MRTFA: variants seen among roughly 807,000 people sequenced by gnomAD.
The protein encoded by MRTFA is myocardin-related transcription factor A.
In MRTFA, 20 loss-of-function variants were observed where a neutral mutation model predicts 83.5. That is an observed-to-expected ratio of 0.24 (90% CI 0.17 to 0.35). MRTFA has a LOEUF of 0.35. Ranked by LOEUF, MRTFA falls within the 10% of genes least tolerant of loss-of-function variation. The pLI, the probability that MRTFA is intolerant of heterozygous loss-of-function variation, is 1.00. For synonymous variants in MRTFA, 659 were observed against 541.2 expected (o/e 1.22, Z -3.02); for missense variants, 1,200 against 1,224.7 (o/e 0.98, Z 0.30).
At chr22:40,606,877 T>G (rs2056324114) in intron 1 of MRTFA, among the ~76,000 whole-genome samples, 1 of 152,160 alleles carries the variant, frequency 6.6e-6, no homozygotes, top group African/African-American at 2.4e-5. Context: ...AGCAGTGACT[T>G]CCTAACAAAG....
chr22:40,524,497 G>C (rs912416357), intron 3 of MRTFA, among the ~76,000 whole-genome samples: 2 of 152,182 alleles, frequency 1.3e-5, no homozygotes, highest in Non-Finnish European at 2.9e-5. Flanking sequence ...GCTCTGCCAA[G>C]AACATGGCCT....
intron 4 of MRTFA, among the ~76,000 whole-genome samples, chr22:40,441,687 T>A (rs1258444488): frequency 1.3e-5 from 2 of 151,802 alleles, no homozygotes; most frequent in African/African-American, 4.8e-5. Flanking sequence ...CTCTGGAGGC[T>A]GAGGCAGGAG....
intron 14 of MRTFA, among the ~76,000 whole-genome samples, chr22:40,414,432 G>T (rs1240181068): frequency 6.6e-6 from 1 of 152,196 alleles, no homozygotes; most frequent in Non-Finnish European, 1.5e-5. Context: ...ACAGACACTT[G>T]TACACTGACA....
intron 1 of MRTFA, among the ~76,000 whole-genome samples, chr22:40,631,996 C>A (rs556287089): frequency 3.9e-5 from 6 of 152,332 alleles, no homozygotes; most frequent in Non-Finnish European, 7.3e-5. Flanking sequence ...TGTGTAGTCC[C>A]TTCCCACAAT....
At chr22:40,454,644 C>T (rs1301848594) in intron 4 of MRTFA, among the ~76,000 whole-genome samples, 1 of 152,180 alleles carries the variant, frequency 6.6e-6, no homozygotes, top group African/African-American at 2.4e-5. Context: ...GTAACTAATT[C>T]TGTGAGTAAC....
chr22:40,465,821 T>TC (rs1364485702), intron 3 of MRTFA, among the ~76,000 whole-genome samples: 1 of 152,048 alleles, frequency 6.6e-6, no homozygotes, highest in Non-Finnish European at 1.5e-5. Flanking sequence ...CGTCTCAGCC[T>TC]CCCAAAAGTG....
chr22:40,572,934 T>G (rs923659540), intron 2 of MRTFA, among the ~76,000 whole-genome samples: 5 of 152,326 alleles, frequency 3.3e-5, no homozygotes, highest in African/African-American at 1.2e-4. Flanking sequence ...GAGACTTGGG[T>G]GGCGACACAG....
chr22:40,494,675 T>A (rs1295724104), intron 3 of MRTFA, among the ~76,000 whole-genome samples: 4 of 146,992 alleles, frequency 2.7e-5, no homozygotes. Context: ...AGCCAGACTC[T>A]GTCTAAAAAA....
At chr22:40,439,640 T>C (rs1456050204) in intron 4 of MRTFA, among the ~76,000 whole-genome samples, 7 of 151,760 alleles carry the variant, frequency 4.6e-5, no homozygotes, top group African/African-American at 1.2e-4. Flanking sequence ...AAGAGTCAAC[T>C]TGGCCACAGC....
chr22:40,572,056 G>A (rs1315180588), intron 2 of MRTFA, among the ~76,000 whole-genome samples: 1 of 151,000 alleles, frequency 6.6e-6, no homozygotes, highest in African/African-American at 2.4e-5. Context: ...CAGTAGGATT[G>A]GTAAAACCAA....
At chr22:40,437,957 T>C (rs921683082) in intron 4 of MRTFA, among the ~76,000 whole-genome samples, 1 of 152,128 alleles carries the variant, frequency 6.6e-6, no homozygotes, top group East Asian at 1.9e-4. Flanking sequence ...CTCGATGAAT[T>C]AGTGAGTATT....
At chr22:40,618,942 C>T (rs2056487110) in intron 1 of MRTFA, among the ~76,000 whole-genome samples, 1 of 151,686 alleles carries the variant, frequency 6.6e-6, no homozygotes, top group African/African-American at 2.4e-5. Context: ...GCCTGGGTGA[C>T]ACAGCAAGAC....
intron 2 of MRTFA, among the ~76,000 whole-genome samples, chr22:40,558,293 A>G (rs1351645502): frequency 1.1e-5 from 1 of 90,614 alleles, no homozygotes; most frequent in Non-Finnish European, 2.1e-5. Context: ...TTGGGGAGAT[A>G]TGAGGTTTTT....
At chr22:40,477,410 C>G (rs981197348) in intron 3 of MRTFA, among the ~76,000 whole-genome samples, 5 of 151,648 alleles carry the variant, frequency 3.3e-5, no homozygotes, top group Admixed American at 3.3e-4. Flanking sequence ...CAAAAGACAT[C>G]AGAGAAAGAA....
At chr22:40,485,779 G>T (rs1401528692) in intron 3 of MRTFA, among the ~76,000 whole-genome samples, 1 of 152,156 alleles carries the variant, frequency 6.6e-6, no homozygotes, top group African/African-American at 2.4e-5. Flanking sequence ...CTTAGAGGAG[G>T]TTGCAATGAT....
intron 3 of MRTFA, chr22:40,533,919 G>C (rs140070211): frequency 3.2e-6 from 1 of 308,972 alleles, no homozygotes; most frequent in African/African-American, 2.1e-5. Context: ...CTTGCTATTC[G>C]TCTCTGGGGG....
chr22:40,510,728 G>C (rs1303793596), intron 3 of MRTFA, among the ~76,000 whole-genome samples: 3 of 152,112 alleles, frequency 2.0e-5, no homozygotes, highest in Non-Finnish European at 4.4e-5. Flanking sequence ...TCAGTCTTTG[G>C]TGGTATGCAG....
chr22:40,438,073 G>T (rs1045636143), intron 4 of MRTFA, among the ~76,000 whole-genome samples: 1 of 152,158 alleles, frequency 6.6e-6, no homozygotes. Context: ...TCTCAACCGG[G>T]TTCGAAACCT....
intron 3 of MRTFA, chr22:40,533,913 C>T (rs933361367): frequency 6.3e-6 from 2 of 315,472 alleles, no homozygotes; most frequent in Non-Finnish European, 1.2e-5. Flanking sequence ...CCTCCCCTTG[C>T]TATTCGTCTC....
Sources: allele counts gnomAD v4.1 joint callset (sites outside exome capture counted in the v4.1 genomes callset), GRCh38; gene constraint gnomAD v4.1.1; transcripts MANE v1.5; gene names NCBI Gene and HGNC (gene_info 2026-07-23, HGNC 2026-07-21).